The following TRAPPC12 variants were observed in gnomAD, a reference collection of about 807,000 sequenced individuals.
TRAPPC12 encodes the protein trafficking protein particle complex subunit 12.
TRAPPC12 carries 61 observed loss-of-function variants against 69.2 expected under a neutral mutation model. The ratio of observed to expected loss-of-function variants is 0.88; its 90% CI spans 0.72 to 1.09. The LOEUF is 1.09. Ranked by LOEUF, TRAPPC12 falls within the 50% of genes least tolerant of loss-of-function variation. TRAPPC12 has a pLI of 0.00. For synonymous variants in TRAPPC12, 469 were observed against 438.9 expected, an observed-to-expected ratio of 1.07 and a Z score of -0.86; for missense variants, 1,101 against 1,016.4, an observed-to-expected ratio of 1.08 and a Z score of -1.13.
chr2:3,457,366 A>T, intron 6 of TRAPPC12: 1 of 495,458 alleles, frequency 2.0e-6, no homozygotes, highest in Non-Finnish European at 3.7e-6. Flanking sequence ...TGATGGCTTC[A>T]ATCGTACCCC....
At chr2:3,425,050 G>A (rs548837021) in intron 5 of TRAPPC12, among the ~76,000 whole-genome samples, 58 of 152,368 alleles carry the variant, frequency 3.8e-4, no homozygotes, top group African/African-American at 1.3e-3. Context: ...TATGGCACAC[G>A]CCGTGACATT....
chr2:3,424,781 A>G (rs1403889580), intron 5 of TRAPPC12, 118 bp downstream of exon 5: 33 of 1,143,854 alleles, frequency 2.9e-5, no homozygotes, highest in Non-Finnish European at 3.5e-5. Flanking sequence ...GAAAAATCAG[A>G]TAAGTACCCA....
Position 3,464,289 on chromosome 2 carries a change from G to C in TRAPPC12, c.1678-1308G>C, listed in dbSNP as rs969023600. Among the ~76,000 whole-genome samples, 3 of 152,334 alleles carry C rather than the reference G, an allele frequency of 2.0e-5. 1 individual carries two copies. Among genetic ancestry groups the C allele is most frequent in the Admixed American group, 2.0e-4 (3 of 15,304 alleles). ...GACCGAGGCATGTGCTGTCTGGCTCGTCATGGGCGTCAGGCCTTGAATAAA... is the reference window on the plus strand; with the variant it reads ...GACCGAGGCATGTGCTGTCTGGCTCCTCATGGGCGTCAGGCCTTGAATAAA... On this transcript the variant is annotated intron_variant, in intron 8 of 11. Transcript: ENST00000324266.
chr2:3,479,525 A>G lies in TRAPPC12; in HGVS notation c.*64A>G. On this transcript the variant is annotated 3_prime_UTR_variant, in exon 12 of 12. Transcript: ENST00000324266. ...TGAAACTGTGTCTTGAAGCTAATGT[A>G]TTAATGTGACATGGAGGAACTCAAT... The G allele has an allele frequency of 1.9e-6, 3 of 1,576,922 alleles. No homozygotes were observed. Among genetic ancestry groups the G allele is most frequent in the South Asian group, 2.3e-5 (2 of 85,180 alleles).
chr2:3,406,811 G>T (rs1661760068), intron 3 of TRAPPC12, among the ~76,000 whole-genome samples: 2 of 152,132 alleles, frequency 1.3e-5, no homozygotes, highest in African/African-American at 4.8e-5. Context: ...AGCCATGCAT[G>T]TTAATTATAA....
Position 3,388,544 on chromosome 2 carries a change from C to A in TRAPPC12, c.921C>A (p.Asn307Lys). The part of the protein sequence containing the change: ...ALSMSEMDRR[N>K]DAWLPGEATR... ...GCATGAGCGAGATGGACCGGAGGAA[C>A]GACGCCTGGCTTCCCGGCGAGGCTA... The change falls in exon 2 of 12, where the codon AAC becomes AAA. Residue 307 changes from asparagine to lysine, a missense_variant. Transcript: ENST00000324266. 1 of 1,613,086 alleles carries A rather than the reference C, an allele frequency of 6.2e-7. No individual in the cohort carries two copies. Among genetic ancestry groups the A allele is most frequent in the Non-Finnish European group, 8.5e-7 (1 of 1,179,742 alleles).
chr2:3,462,037 G>C (rs966463762), intron 8 of TRAPPC12, among the ~76,000 whole-genome samples: 6 of 152,350 alleles, frequency 3.9e-5, no homozygotes, highest in Admixed American at 2.6e-4. Context: ...CAGCTTGCCG[G>C]AACATTCTTA....
At chr2:3,435,329 G>A (rs1175770016) in intron 5 of TRAPPC12, among the ~76,000 whole-genome samples, 1 of 152,118 alleles carries the variant, frequency 6.6e-6, no homozygotes, top group African/African-American at 2.4e-5. Flanking sequence ...ACTGTTAACT[G>A]TTACTGGGGG....
At chr2:3,467,891 G>GAGCT (rs1314644289) in intron 9 of TRAPPC12, 4 of 152,286 alleles carry the variant, frequency 2.6e-5, no homozygotes, top group Admixed American at 6.5e-5. Flanking sequence ...ACGTGGTGCT[G>GAGCT]AGCTGCCAGA....
At chr2:3,401,955 T>C in intron 3 of TRAPPC12, 62 bp downstream of exon 3, 1 of 1,125,504 alleles carries the variant, frequency 8.9e-7, no homozygotes, top group Non-Finnish European at 1.3e-6. Context: ...GCCTTCATAA[T>C]ATTTTCTCTA....
At chr2:3,434,224 G>T (rs567426911) in intron 5 of TRAPPC12, among the ~76,000 whole-genome samples, 13 of 152,326 alleles carry the variant, frequency 8.5e-5, no homozygotes, top group African/African-American at 3.1e-4. Flanking sequence ...CCTGCGCAGC[G>T]CTAGGAGCTG....
In TRAPPC12 at chr2:3,472,825, C is replaced by T. The variant is rs118150231; in HGVS notation, c.1777-4870C>T. On this transcript the variant is annotated intron_variant, in intron 9 of 11. Coordinates refer to ENST00000324266, the MANE Select transcript of TRAPPC12 (RefSeq NM_016030.6). ...GAGAGACTGGACTCAACTCTGACTT[C>T]ACGGAGGACAGGTGGGAACTGACAA... 5.2e-3 allele frequency among the ~76,000 whole-genome samples: 794 copies of T among 152,206 alleles called. 19 individuals carry two copies. Among genetic ancestry groups the T allele is most frequent in the East Asian group, 0.02 (104 of 5,178 alleles).
chr2:3,458,687 C>T (rs990505713), intron 7 of TRAPPC12, among the ~76,000 whole-genome samples: 1 of 152,180 alleles, frequency 6.6e-6, no homozygotes, highest in Non-Finnish European at 1.5e-5. Context: ...ATGTCCCATT[C>T]AGCATTCTTG....
At position 3,388,173 on chromosome 2, in the gene TRAPPC12, A is replaced by G; in HGVS notation, c.550A>G (p.Ser184Gly). ...GFEPQMVKSP[S>G]FGGASEASAR... is the part of the protein sequence containing the mutation. ...CGAGCCGCAGATGGTGAAGTCGCCCAGCTTCGGTGGCGCCAGCGAGGCCTC... is the reference window on the plus strand; with the variant it reads ...CGAGCCGCAGATGGTGAAGTCGCCCGGCTTCGGTGGCGCCAGCGAGGCCTC... The change falls in exon 2 of 12, where the codon AGC becomes GGC. Residue 184 changes from serine (S) to glycine (G), a missense_variant. Coordinates refer to ENST00000324266, the MANE Select transcript of TRAPPC12 (RefSeq NM_016030.6). 6.2e-7 allele frequency: 1 copy of G among 1,608,628 alleles called. No homozygotes were observed.
rs1660648924 is a variant in TRAPPC12 at position 3,388,682 on chromosome 2, TCTCCCACCTCCGCAGCCCGTGC to T, written c.1047+17_1047+38del. ...TCGACAACATCCAGGTGAGCCCGGG[TCTCCCACCTCCGCAGCCCGTGC>T]CTCCTCTCTGCGTCTGTGAGATACG... On this transcript the variant is annotated intron_variant, in intron 2 of 11. Coordinates refer to ENST00000324266, the MANE Select transcript of TRAPPC12 (RefSeq NM_016030.6). 6.6e-7 allele frequency: 1 copy of T among 1,526,274 alleles called. No individual in the cohort carries two copies. The highest frequency in any genetic ancestry group is 8.8e-7 in the Non-Finnish European group (1 of 1,132,588). 94.5% of individuals were successfully genotyped at this position (1,526,274 alleles called of 1,614,324 possible).
intron 10 of TRAPPC12, 42 bp downstream of exon 10, chr2:3,477,837 C>G (rs746322377): frequency 7.1e-7 from 1 of 1,417,528 alleles, no homozygotes; most frequent in Non-Finnish European, 9.7e-7. Flanking sequence ...TCAAATTTCC[C>G]AGAGGCGTTC....
intron 5 of TRAPPC12, among the ~76,000 whole-genome samples, chr2:3,435,949 T>C (rs1017119206): frequency 4.6e-5 from 7 of 152,338 alleles, no homozygotes; most frequent in African/African-American, 1.4e-4. Flanking sequence ...TATAAAAATA[T>C]AGTTGATATT....
chr2:3,474,069 G>A (rs1051573897), intron 9 of TRAPPC12, among the ~76,000 whole-genome samples: 5 of 152,166 alleles, frequency 3.3e-5, no homozygotes, highest in Non-Finnish European at 5.9e-5. Flanking sequence ...AATGGCTTCC[G>A]TGCCACCAAG....
At chr2:3,417,243 G>A (rs937311078) in intron 3 of TRAPPC12, among the ~76,000 whole-genome samples, 25 of 152,138 alleles carry the variant, frequency 1.6e-4, no homozygotes, top group African/African-American at 6.0e-4. Context: ...ACAGGTTCGC[G>A]CTGTCCCTCA....
Sources: gnomAD v4.1 joint callset for allele counts (sites outside exome capture counted in the v4.1 genomes callset) on GRCh38, gnomAD v4.1.1 for gene constraint, MANE v1.5 for transcripts, NCBI Gene and HGNC (gene_info 2026-07-23, HGNC 2026-07-21) for gene names.